Variants in CNBD1 observed in about 807,000 individuals in gnomAD.
The protein encoded by CNBD1 is cyclic nucleotide-binding domain-containing protein 1.
A neutral mutation model predicts 54.4 loss-of-function variants in CNBD1; 71 were observed. That is an observed-to-expected ratio of 1.30 (90% CI 1.08 to 1.59). The LOEUF (loss-of-function observed/expected upper bound fraction) is 1.59. Among genes scored for constraint, CNBD1 ranks in the 40% most tolerant of loss-of-function variants. The pLI is 0.00. For missense variants in CNBD1, 659 were observed against 518.0 expected, an observed-to-expected ratio of 1.27 and a Z score of -2.64; for synonymous variants, 182 against 170.7, an observed-to-expected ratio of 1.07 and a Z score of -0.51.
chr8:87,006,926 G>A (rs944807259), intron 4 of CNBD1, among the ~76,000 whole-genome samples: 17 of 152,204 alleles, frequency 1.1e-4, no homozygotes, highest in South Asian at 8.3e-4. Flanking sequence ...GCCGGGTGCC[G>A]CGGCTCACGC....
intron 4 of CNBD1, among the ~76,000 whole-genome samples, chr8:86,975,849 C>T (rs372212423): frequency 2.0e-5 from 3 of 151,940 alleles, no homozygotes; most frequent in Non-Finnish European, 4.4e-5. Flanking sequence ...CCACCAGCAA[C>T]GTACAAGGAG....
At chr8:87,252,428 C>T (rs533389374) in intron 6 of CNBD1, among the ~76,000 whole-genome samples, 6 of 152,250 alleles carry the variant, frequency 3.9e-5, no homozygotes, top group African/African-American at 1.2e-4. Flanking sequence ...TTCATATCTA[C>T]ACTCTGTAAA....
intron 2 of CNBD1, among the ~76,000 whole-genome samples, chr8:87,419,649 C>T (rs956999899): frequency 2.6e-5 from 4 of 151,980 alleles, no homozygotes; most frequent in Admixed American, 1.3e-4. Flanking sequence ...GAAATTGATA[C>T]TGTAATCCCA....
chr8:87,230,229 C>A (rs538106472), intron 5 of CNBD1, among the ~76,000 whole-genome samples: 1 of 152,006 alleles, frequency 6.6e-6, no homozygotes, highest in Admixed American at 6.5e-5. Flanking sequence ...ATGATTCACA[C>A]CCATGATCCA....
chr8:87,338,893 G>A (rs1294732786), intron 8 of CNBD1, among the ~76,000 whole-genome samples: 1 of 151,988 alleles, frequency 6.6e-6, no homozygotes, highest in African/African-American at 2.4e-5. Context: ...GTGGGTGAGG[G>A]GAAGTGCTCT....
chr8:87,077,430 T>A (rs1322282165), intron 4 of CNBD1, among the ~76,000 whole-genome samples: 53 of 148,516 alleles, frequency 3.6e-4, no homozygotes, highest in South Asian at 3.0e-3. Context: ...TTTTTTTTTT[T>A]ATTATACTTT....
At chr8:86,922,669 C>G (rs1809293522) in intron 3 of CNBD1, among the ~76,000 whole-genome samples, 1 of 152,076 alleles carries the variant, frequency 6.6e-6, no homozygotes, top group Non-Finnish European at 1.5e-5. Flanking sequence ...AAAAAATCCA[C>G]TTATGATGAT....
intron 2 of CNBD1, among the ~76,000 whole-genome samples, chr8:87,411,096 G>T (rs1466535380): frequency 6.6e-6 from 1 of 151,780 alleles, no homozygotes; most frequent in Non-Finnish European, 1.5e-5. Flanking sequence ...TTGGGGGTCT[G>T]GAACAAAACC....
chr8:86,878,201 ATT>A (rs1489592718), intron 1 of CNBD1, among the ~76,000 whole-genome samples: 3 of 150,704 alleles, frequency 2.0e-5, no homozygotes, highest in African/African-American at 4.9e-5. Context: ...ATACTATTTG[ATT>A]TTTATTTGCT....
intron 4 of CNBD1, among the ~76,000 whole-genome samples, chr8:87,005,052 ATT>A (rs879551172): frequency 2.0e-5 from 3 of 146,810 alleles, no homozygotes; most frequent in African/African-American, 2.5e-5. Context: ...ATACTTGAAG[ATT>A]TTTTTTTTTT....
chr8:87,124,183 T>C (rs961625848), intron 4 of CNBD1, among the ~76,000 whole-genome samples: 17 of 151,660 alleles, frequency 1.1e-4, no homozygotes, highest in African/African-American at 3.4e-4. Context: ...AAAATATTTA[T>C]AGGCAATTAT....
At chr8:87,327,711 C>G (rs1209999883) in intron 8 of CNBD1, among the ~76,000 whole-genome samples, 4 of 152,150 alleles carry the variant, frequency 2.6e-5, no homozygotes, top group African/African-American at 4.8e-5. Context: ...CTGGCACTTC[C>G]TAGTGAGATG....
At chr8:87,388,863 C>A (rs770167345) in intron 2 of CNBD1, among the ~76,000 whole-genome samples, 76 of 152,268 alleles carry the variant, frequency 5.0e-4, no homozygotes, top group African/African-American at 1.8e-3. Flanking sequence ...AAAATACTGG[C>A]AAACTGAATC....
rs370992725 is a variant in CNBD1 at position 87,379,513 on chromosome 8, G to C, written c.1304-3107G>C. 7.2e-5 allele frequency among the ~76,000 whole-genome samples: 11 copies of C among 151,788 alleles called. No homozygotes were observed. The South Asian group carries it at 2.3e-3, about 32-fold the overall frequency. On this transcript the variant is annotated intron_variant, in intron 10 of 10. Transcript: ENST00000518476. ...TCTCCCCAGCAAATGTAAAAGAACA[G>C]AATTTATAACAAACTATCTCTTGTT...
intron 4 of CNBD1, among the ~76,000 whole-genome samples, chr8:87,036,821 C>T (rs1336017050): frequency 6.6e-6 from 1 of 152,022 alleles, no homozygotes; most frequent in East Asian, 1.9e-4. Context: ...TCCCTAGAAG[C>T]CACCTGGAGG....
At chr8:86,984,854 T>C (rs1808569614) in intron 4 of CNBD1, among the ~76,000 whole-genome samples, 1 of 152,204 alleles carries the variant, frequency 6.6e-6, no homozygotes, top group Non-Finnish European at 1.5e-5. Flanking sequence ...GACTTTAGAC[T>C]GTGAACTTTT....
intron 8 of CNBD1, among the ~76,000 whole-genome samples, chr8:87,304,050 A>G: frequency 6.6e-6 from 1 of 152,202 alleles, no homozygotes; most frequent in Non-Finnish European, 1.5e-5. Flanking sequence ...ACTGTAAACT[A>G]GTTCAACCAT....
chr8:87,371,945 T>C lies in CNBD1; in HGVS notation c.1304-10675T>C, dbSNP rs1183619663. 4.0e-5 allele frequency among the ~76,000 whole-genome samples: 6 copies of C among 151,888 alleles called. No individual in the cohort carries two copies. In the East Asian group the frequency reaches 1.2e-3, roughly 29 times the overall value. The stretch of plus-strand genomic sequence containing the variant: ...ACTGGCACAAGACAGGGACGCCCTC[T>C]CTCACCACTCCTATTCAACATAGTG... On this transcript the variant is annotated intron_variant, in intron 10 of 10. Transcript: ENST00000518476.
At chr8:86,979,355 C>A (rs1808415350) in intron 4 of CNBD1, among the ~76,000 whole-genome samples, 1 of 119,218 alleles carries the variant, frequency 8.4e-6, no homozygotes, top group African/African-American at 3.2e-5. Flanking sequence ...CACTTGAGCC[C>A]AAGAGTTTGA....
Sources: allele counts gnomAD v4.1 joint callset (sites outside exome capture counted in the v4.1 genomes callset), GRCh38; gene constraint gnomAD v4.1.1; transcripts MANE v1.5; gene names NCBI Gene and HGNC (gene_info 2026-07-23, HGNC 2026-07-21).